MFAP3L: variants seen among roughly 807,000 people sequenced by gnomAD.
MFAP3L encodes the protein microfibrillar-associated protein 3-like.
In MFAP3L, 5 loss-of-function variants were observed where a neutral mutation model predicts 20.0. The ratio of observed to expected loss-of-function variants is 0.25; its 90% CI spans 0.13 to 0.53. The LOEUF is 0.53. Among genes scored for constraint, MFAP3L ranks in the 20% least tolerant of loss-of-function variants. The probability of loss-of-function intolerance (pLI) is 0.96; values close to 1 mark genes in which losing one functional copy is unlikely to be tolerated. For missense variants in MFAP3L, 409 were observed against 527.5 expected (o/e 0.78, Z 2.20); for synonymous variants, 219 against 213.0 (o/e 1.03, Z -0.25).
chr4:170,018,307 T>C (rs116346519), intron 1 of MFAP3L, among the ~76,000 whole-genome samples: 1,619 of 152,246 alleles, frequency 0.011, 30 homozygotes, highest in African/African-American at 0.037. Flanking sequence ...CTAGGTGGCA[T>C]TGGTTTTTGC....
chr4:169,995,858 C>T (rs1043842253), intron 2 of MFAP3L, among the ~76,000 whole-genome samples: 1 of 152,142 alleles, frequency 6.6e-6, no homozygotes, highest in African/African-American at 2.4e-5. Flanking sequence ...GTAGCAGATG[C>T]CAGGTCAGTT....
intron 1 of MFAP3L, among the ~76,000 whole-genome samples, chr4:170,019,906 C>T (rs1560991368): frequency 6.6e-6 from 1 of 152,190 alleles, no homozygotes; most frequent in South Asian, 2.1e-4. Flanking sequence ...ATTAGGAAAG[C>T]CCAACCCACA....
At chr4:170,013,232 A>T (rs926724307) in intron 1 of MFAP3L, among the ~76,000 whole-genome samples, 2 of 152,212 alleles carry the variant, frequency 1.3e-5, no homozygotes, top group Non-Finnish European at 2.9e-5. Context: ...TCATTATTTT[A>T]AAAAATCACT....
chr4:169,991,828 C>T lies in MFAP3L; in HGVS notation c.780G>A (p.Val260=). ...CRTIMEEIME[V]VGLEEQGQNF... ...TCTGCCCCTGCTCCTCCAGCCCAAC[C>T]ACCTCCATAATCTCCTCCATGATAG... The change falls in exon 3 of 3, where the codon GTG becomes GTA. Residue 260 remains valine, a synonymous_variant. Transcript: ENST00000361618. The surrounding 1 kb of genome is among the most constrained non-coding windows in gnomAD (Gnocchi z 4.9). 2 of 1,614,166 alleles carry T rather than the reference C, an allele frequency of 1.2e-6. No homozygotes were observed. The highest frequency in any genetic ancestry group is 1.7e-6 in the Non-Finnish European group (2 of 1,180,030).
intron 1 of MFAP3L, among the ~76,000 whole-genome samples, chr4:170,012,657 G>C (rs1020680539): frequency 2.0e-5 from 3 of 152,218 alleles, no homozygotes; most frequent in African/African-American, 7.2e-5. Flanking sequence ...GAGCTATACA[G>C]CAGCACACCA....
At chr4:170,013,470 C>A (rs982097588) in intron 1 of MFAP3L, among the ~76,000 whole-genome samples, 5 of 152,072 alleles carry the variant, frequency 3.3e-5, no homozygotes, top group African/African-American at 1.2e-4. Context: ...CTTCTCAGAA[C>A]TAGAACATTA....
At position 169,991,118 on chromosome 4, in the gene MFAP3L, T is replaced by C. The variant is rs1737629178; in HGVS notation, c.*260A>G. On this transcript the variant is annotated 3_prime_UTR_variant, in exon 3 of 3. Coordinates refer to ENST00000361618, the MANE Select transcript of MFAP3L (RefSeq NM_021647.8). The surrounding 1 kb of genome is among the most constrained non-coding windows in gnomAD (Gnocchi z 4.9). ...CACCAATTAAGGTATTTGGCAGAGA[T>C]CAGCCTCTGAAACTCATTATCACAT... is the stretch of plus-strand genomic sequence containing the variant. 2.0e-6 allele frequency: 1 copy of C among 508,748 alleles called. No individual in the cohort carries two copies. Among genetic ancestry groups the C allele is most frequent in the Non-Finnish European group, 3.5e-6 (1 of 288,816 alleles). The allele number at this position is 508,748 out of a possible 1,614,324, so 31.5% of individuals were successfully genotyped here.
intron 1 of MFAP3L, among the ~76,000 whole-genome samples, chr4:170,008,532 T>C (rs1739183697): frequency 6.6e-6 from 1 of 152,170 alleles, no homozygotes; most frequent in Non-Finnish European, 1.5e-5. Flanking sequence ...ACTCACAGTC[T>C]AGTAGTGGAA....
rs925831611 is a variant in MFAP3L at position 170,016,574 on chromosome 4, C to A, written c.-134+9660G>T. On this transcript the variant is annotated intron_variant, in intron 1 of 2. Coordinates refer to ENST00000361618, the MANE Select transcript of MFAP3L (RefSeq NM_021647.8). ...TACTACGTGTTTACATACTGCGCTCCCATTAGGATGGGAGCTCCTAGAGGG... is the reference window on the plus strand; with the variant it reads ...TACTACGTGTTTACATACTGCGCTCACATTAGGATGGGAGCTCCTAGAGGG... Among the ~76,000 whole-genome samples, 25 of 152,298 alleles carry A rather than the reference C, an allele frequency of 1.6e-4. No homozygotes were observed. In the East Asian group the frequency reaches 4.4e-3, roughly 27 times the overall value.
At position 169,992,170 on chromosome 4, in the gene MFAP3L, A is replaced by C. The variant is rs148676508; in HGVS notation, c.438T>G (p.Ser146=). 7.2e-3 allele frequency: 11,619 copies of C among 1,614,184 alleles called. 105 individuals carry two copies. Among genetic ancestry groups the C allele is most frequent in the Admixed American group, 0.028 (1,689 of 60,024 alleles). Residue 146 remains serine, a synonymous_variant, in exon 3 of 3, where the codon TCT becomes TCG. Transcript: ENST00000361618. This position sits in a 1 kb window ranked among gnomAD's most constrained non-coding sequence, Gnocchi z 4.3. The part of the protein sequence containing the change: ...NTVTLRVIFT[S]GDMGVYYMVV... ...CCATGTAGTAGACACCCATGTCTCCAGAAGTGAAGATGACGCGCAAGGTCA... is the reference window on the plus strand; with the variant it reads ...CCATGTAGTAGACACCCATGTCTCCCGAAGTGAAGATGACGCGCAAGGTCA...
At chr4:169,999,166 T>C (rs1457271702) in intron 2 of MFAP3L, among the ~76,000 whole-genome samples, 1 of 152,212 alleles carries the variant, frequency 6.6e-6, no homozygotes, top group South Asian at 2.1e-4. Flanking sequence ...GCAAGTGCTC[T>C]TGTGCCTCCC....
rs199687716 is a variant in MFAP3L at position 169,992,287 on chromosome 4, G to A, written c.321C>T (p.Ser107=). The stretch of plus-strand genomic sequence containing the variant: ...ATACCTTGGTGATGTTCAGGAGGCC[G>A]CTGTCGTGCATTTGCCATTTTCCTG... ...RGGGKWQMHD[S]GLLNITKVSF... The change falls in exon 3 of 3, where the codon AGC becomes AGT. Residue 107 remains serine, a synonymous_variant. Transcript: ENST00000361618. This position sits in a 1 kb window ranked among gnomAD's most constrained non-coding sequence, Gnocchi z 4.3. The A allele has an allele frequency of 1.3e-5, 21 of 1,609,854 alleles. No individual in the cohort carries two copies. The highest frequency in any genetic ancestry group is 9.3e-5 in the African/African-American group (7 of 74,968).
intron 1 of MFAP3L, among the ~76,000 whole-genome samples, chr4:170,025,706 T>A (rs937729729): frequency 6.6e-6 from 1 of 152,092 alleles, no homozygotes; most frequent in Non-Finnish European, 1.5e-5. Context: ...AGAGCTTCAG[T>A]AGCGAGGCGG....
intron 2 of MFAP3L, among the ~76,000 whole-genome samples, chr4:170,001,474 AAC>A: frequency 6.6e-6 from 1 of 152,342 alleles, no homozygotes; most frequent in South Asian, 2.1e-4. Context: ...AAGAATTTCA[AAC>A]TTAATCTCTA....
rs927157171 is a variant in MFAP3L, at chr4:169,991,103, G to A, written c.*275C>T. 6 of 472,872 alleles carry A rather than the reference G, an allele frequency of 1.3e-5. No individual in the cohort carries two copies. Among genetic ancestry groups the A allele is most frequent in the South Asian group, 1.1e-4 (3 of 28,202 alleles). 29.3% of individuals were successfully genotyped at this position (472,872 alleles called of 1,614,324 possible). On this transcript the variant is annotated 3_prime_UTR_variant, in exon 3 of 3. Coordinates refer to ENST00000361618, the MANE Select transcript of MFAP3L (RefSeq NM_021647.8). The surrounding 1 kb of genome is among the most constrained non-coding windows in gnomAD (Gnocchi z 4.9). Reference sequence around the variant, plus strand: ...TTGCCAAGAAGGCATCACCAATTAAGGTATTTGGCAGAGATCAGCCTCTGA... The same window carrying A: ...TTGCCAAGAAGGCATCACCAATTAAAGTATTTGGCAGAGATCAGCCTCTGA...
chr4:170,010,649 CTTACT>C (rs1739317748), intron 1 of MFAP3L, among the ~76,000 whole-genome samples: 3 of 152,180 alleles, frequency 2.0e-5, no homozygotes, highest in Admixed American at 2.0e-4. Flanking sequence ...TTTTCTCTAG[CTTACT>C]TTATTGTAGG....
chr4:170,021,584 T>C (rs1740039214), intron 1 of MFAP3L, among the ~76,000 whole-genome samples: 1 of 152,202 alleles, frequency 6.6e-6, no homozygotes, highest in Admixed American at 6.5e-5. Context: ...TTTTACCACA[T>C]TGTCTGAAAA....
chr4:170,011,038 C>T (rs530474734), intron 1 of MFAP3L, among the ~76,000 whole-genome samples: 44 of 152,268 alleles, frequency 2.9e-4, no homozygotes, highest in African/African-American at 9.9e-4. Flanking sequence ...GTAAGTCTCA[C>T]GAGATCTAAC....
In MFAP3L at chr4:169,991,557, C is replaced by A; in HGVS notation, c.1051G>T (p.Glu351Ter). The A allele has an allele frequency of 6.2e-7, 1 of 1,614,116 alleles. No homozygotes were observed. The highest frequency in any genetic ancestry group is 8.5e-7 in the Non-Finnish European group (1 of 1,180,036). Residue 351 changes from glutamate (E) to a stop codon, truncating the protein, a stop_gained, in exon 3 of 3, where the codon GAA becomes TAA. Transcript: ENST00000361618. LOFTEE classifies it high-confidence loss of function. The surrounding 1 kb of genome is among the most constrained non-coding windows in gnomAD (Gnocchi z 4.9). ...KDVEETELSA[E>*]HSPETAEPST... ...GGTTCTGCAGTTTCGGGGGAATGTT[C>A]CGCCGACAGTTCTGTCTCCTCTACA... is the stretch of plus-strand genomic sequence containing the variant.
Sources: allele counts gnomAD v4.1 joint callset (sites outside exome capture counted in the v4.1 genomes callset), GRCh38; gene constraint gnomAD v4.1.1; non-coding constraint Gnocchi (gnomAD v3.1); transcripts MANE v1.5; gene names NCBI Gene and HGNC (gene_info 2026-07-23, HGNC 2026-07-21).